Variants in CSMD1 observed in about 807,000 individuals in gnomAD.
CSMD1 encodes CUB and sushi domain-containing protein 1.
CSMD1 carries 213 observed loss-of-function variants against 417.5 expected under a neutral mutation model. The ratio of observed to expected loss-of-function variants is 0.51; its 90% CI spans 0.46 to 0.57. CSMD1 has a LOEUF of 0.57. Ranked by LOEUF, CSMD1 falls within the 20% of genes least tolerant of loss-of-function variation. The pLI is 0.00. For synonymous variants in CSMD1, 2,862 were observed against 1,736.8 expected, an observed-to-expected ratio of 1.65 and a Z score of -16.11; for missense variants, 6,923 against 4,529.7, an observed-to-expected ratio of 1.53 and a Z score of -15.17.
chr8:4,567,518 C>T (rs1190472044), intron 2 of CSMD1, among the ~76,000 whole-genome samples: 1 of 152,126 alleles, frequency 6.6e-6, no homozygotes, highest in Admixed American at 6.5e-5. Context: ...TTAGAAATCG[C>T]AGGTAGACTG....
chr8:3,861,398 G>T (rs1382371745), intron 5 of CSMD1, among the ~76,000 whole-genome samples: 3 of 152,182 alleles, frequency 2.0e-5, no homozygotes, highest in African/African-American at 7.2e-5. Flanking sequence ...TGTTCATGGT[G>T]AAAATAACCC....
intron 50 of CSMD1, among the ~76,000 whole-genome samples, chr8:3,046,191 G>C (rs945517623): frequency 6.6e-6 from 1 of 152,192 alleles, no homozygotes; most frequent in Admixed American, 6.5e-5. Context: ...GTTGTTTGGA[G>C]ACACAAGGGA....
chr8:3,856,907 G>C (rs540065528), intron 5 of CSMD1, among the ~76,000 whole-genome samples: 11 of 152,312 alleles, frequency 7.2e-5, no homozygotes, highest in African/African-American at 2.4e-4. Flanking sequence ...ACTCAGACTG[G>C]AGGTGGTTTG....
At chr8:4,959,921 C>T (rs1809367173) in intron 1 of CSMD1, among the ~76,000 whole-genome samples, 1 of 151,968 alleles carries the variant, frequency 6.6e-6, no homozygotes, top group African/African-American at 2.4e-5. Context: ...CTATTTTCTG[C>T]TCTACACTTT....
chr8:4,614,242 C>G (rs1314749776), intron 2 of CSMD1, among the ~76,000 whole-genome samples: 2 of 152,052 alleles, frequency 1.3e-5, no homozygotes, highest in African/African-American at 4.8e-5. Flanking sequence ...GGAGATGGAC[C>G]CAAGACTAGT....
At chr8:4,344,701 TA>T (rs1362089898) in intron 3 of CSMD1, among the ~76,000 whole-genome samples, 2 of 151,896 alleles carry the variant, frequency 1.3e-5, no homozygotes, top group Admixed American at 6.6e-5. Context: ...TTCCTAAAAA[TA>T]AAAAGGCATA....
At chr8:4,351,373 TCTC>T (rs1332214594) in intron 3 of CSMD1, among the ~76,000 whole-genome samples, 27 of 152,354 alleles carry the variant, frequency 1.8e-4, no homozygotes, top group Middle Eastern at 3.4e-3. Context: ...TTCGTCTTGT[TCTC>T]CTCTCTTCTC....
chr8:4,776,335 A>G (rs936415241), intron 1 of CSMD1, among the ~76,000 whole-genome samples: 7 of 152,190 alleles, frequency 4.6e-5, no homozygotes, highest in African/African-American at 9.7e-5. Context: ...ATATGAAAAT[A>G]TTGCTACTAA....
intron 9 of CSMD1, among the ~76,000 whole-genome samples, chr8:3,580,733 G>A (rs917903381): frequency 2.0e-5 from 3 of 152,050 alleles, no homozygotes; most frequent in Non-Finnish European, 2.9e-5. Flanking sequence ...CTGAGACAGT[G>A]GTTACCTGAT....
chr8:4,360,830 T>C (rs1303079356), intron 3 of CSMD1, among the ~76,000 whole-genome samples: 4 of 152,032 alleles, frequency 2.6e-5, no homozygotes, highest in African/African-American at 9.7e-5. Context: ...CTGACACAAT[T>C]AATCACGGAG....
chr8:4,279,720 G>T (rs1028271814), intron 3 of CSMD1, among the ~76,000 whole-genome samples: 15 of 152,068 alleles, frequency 9.9e-5, no homozygotes, highest in African/African-American at 3.6e-4. Context: ...GTCATTCATT[G>T]CAATTTTCAA....
At chr8:3,466,278 C>G (rs1003747522) in intron 12 of CSMD1, among the ~76,000 whole-genome samples, 3 of 151,882 alleles carry the variant, frequency 2.0e-5, no homozygotes, top group African/African-American at 7.3e-5. Flanking sequence ...TACTGGGCAG[C>G]AGAACCAGTA....
At position 2,991,188 on chromosome 8, in the gene CSMD1, A is replaced by G. The variant is rs537457139; in HGVS notation, c.8377+6823T>C. Among the ~76,000 whole-genome samples the G allele has an allele frequency of 7.9e-5, 12 of 152,356 alleles. No homozygotes were observed. The South Asian group carries it at 1.9e-3, about 24-fold the overall frequency. On this transcript the variant is annotated intron_variant, in intron 54 of 69. Coordinates refer to ENST00000635120, the MANE Select transcript of CSMD1 (RefSeq NM_033225.6). Reference sequence around the variant, plus strand: ...TAAGGGTATTTATTACTTTATGTAGAAACTACATTAAGACACTCAATGTTC... The same window carrying G: ...TAAGGGTATTTATTACTTTATGTAGGAACTACATTAAGACACTCAATGTTC...
In CSMD1 at chr8:3,396,376, T is replaced by A. The variant is rs939393199; in HGVS notation, c.2411A>T (p.Gln804Leu). 1 of 1,577,000 alleles carries A rather than the reference T, an allele frequency of 6.3e-7. No individual in the cohort carries two copies. Among genetic ancestry groups the A allele is most frequent in the Non-Finnish European group, 8.6e-7 (1 of 1,161,528 alleles). Residue 804 changes from glutamine (Q) to leucine (L), a missense_variant, in exon 17 of 70, where the codon CAG becomes CTG. Coordinates refer to ENST00000635120, the MANE Select transcript of CSMD1 (RefSeq NM_033225.6). Reference protein sequence around the residue: ...HSIKITFDRFQTEVNYDTLEV... With the variant: ...HSIKITFDRFLTEVNYDTLEV... ...CAAGGTGTCATAATTGACCTCTGTC[T>A]GAAATCTGCAAATATATACATCCCA...
At chr8:3,549,259 G>A (rs1379336013) in intron 10 of CSMD1, among the ~76,000 whole-genome samples, 1 of 152,218 alleles carries the variant, frequency 6.6e-6, no homozygotes, top group East Asian at 1.9e-4. Flanking sequence ...GACCACAAAG[G>A]CGAAGTGTGC....
At chr8:3,378,210 A>G (rs1810430720) in intron 18 of CSMD1, among the ~76,000 whole-genome samples, 1 of 152,204 alleles carries the variant, frequency 6.6e-6, no homozygotes, top group Admixed American at 6.5e-5. Context: ...AAGAAGTCGA[A>G]TCCCTGAATA....
intron 3 of CSMD1, among the ~76,000 whole-genome samples, chr8:4,410,067 G>C (rs947341378): frequency 6.6e-6 from 1 of 152,122 alleles, no homozygotes; most frequent in African/African-American, 2.4e-5. Flanking sequence ...ACCTGCCGTG[G>C]CCTCCCAAAG....
At chr8:3,941,774 T>C (rs1223641827) in intron 5 of CSMD1, among the ~76,000 whole-genome samples, 1 of 152,172 alleles carries the variant, frequency 6.6e-6, no homozygotes. Context: ...ACACAATTCT[T>C]TGATTCCAAT....
intron 3 of CSMD1, among the ~76,000 whole-genome samples, chr8:4,312,823 G>A (rs1186931364): frequency 2.0e-5 from 3 of 152,114 alleles, no homozygotes; most frequent in Non-Finnish European, 2.9e-5. Context: ...GCAGTTAGCT[G>A]AGATCGCGCC....
Sources: allele counts gnomAD v4.1 joint callset (sites outside exome capture counted in the v4.1 genomes callset), GRCh38; gene constraint gnomAD v4.1.1; transcripts MANE v1.5; gene names NCBI Gene and HGNC (gene_info 2026-07-23, HGNC 2026-07-21).